Variants in TPI1 observed in about 807,000 individuals in gnomAD.
TPI1 encodes the protein triosephosphate isomerase.
In TPI1, 11 loss-of-function variants were observed where a neutral mutation model predicts 31.0. That is an observed-to-expected ratio of 0.36 (90% confidence interval 0.22 to 0.59). The LOEUF (loss-of-function observed/expected upper bound fraction) is 0.59, where lower values mean the gene tolerates loss of function less well. Among genes scored for constraint, TPI1 ranks in the 20% least tolerant of loss-of-function variants. TPI1 has a pLI of 0.79. For synonymous variants in TPI1, 121 were observed against 122.8 expected (o/e 0.99, Z 0.10); for missense variants, 245 against 319.7 (o/e 0.77, Z 1.78).
intron 5 of TPI1, 129 bp from the exon 6 acceptor site, chr12:6,869,920 G>C (rs1327946833): frequency 7.2e-7 from 1 of 1,385,216 alleles, no homozygotes; most frequent in Non-Finnish European, 1.0e-6. Flanking sequence ...TCCAGTCCAG[G>C]GCCTGGCTTG....
In TPI1 at chr12:6,870,073, C is replaced by T. The variant is rs972344113; in HGVS notation, c.568C>T (p.Arg190Ter). 10 of 1,614,062 alleles carry T rather than the reference C, an allele frequency of 6.2e-6. No individual in the cohort carries two copies. The highest frequency in any genetic ancestry group is 2.2e-5 in the East Asian group (1 of 44,904). Residue 190 changes from arginine (R) to a stop codon, truncating the protein, a stop_gained, in exon 6 of 7, where the codon CGA (arginine) becomes TGA (stop). Coordinates refer to ENST00000396705, the MANE Select transcript of TPI1 (RefSeq NM_000365.6). LOFTEE classifies it high-confidence loss of function. Reference sequence around the variant, plus strand: ...GGCCCAGGAAGTACACGAGAAGCTCCGAGGATGGCTGAAGTCCAACGTCTC... The same window carrying T: ...GGCCCAGGAAGTACACGAGAAGCTCTGAGGATGGCTGAAGTCCAACGTCTC... ...QQAQEVHEKL[R>*]GWLKSNVSDA...
At chr12:6,869,931 G>T in intron 5 of TPI1, 118 bp from the exon 6 acceptor site, 1 of 1,403,010 alleles carries the variant, frequency 7.1e-7, no homozygotes, top group Non-Finnish European at 1.0e-6. Flanking sequence ...GCCTGGCTTG[G>T]ATCAGAGCCC....
At chr12:6,869,901 C>A in intron 5 of TPI1, 128 bp downstream of exon 5, 1 of 1,386,994 alleles carries the variant, frequency 7.2e-7, no homozygotes, top group Non-Finnish European at 1.0e-6. Context: ...AGTGACTTGT[C>A]CAAGGGCATC....
Position 6,869,192 on chromosome 12 carries a change from C to G in TPI1, c.324+9C>G. The G allele has an allele frequency of 6.2e-7, 1 of 1,614,078 alleles. No homozygotes were observed. The highest frequency in any genetic ancestry group is 2.2e-5 in the East Asian group (1 of 44,868). On this transcript the variant is annotated intron_variant, in intron 3 of 6. Transcript: ENST00000396705. Reference sequence around the variant, plus strand: ...TTGGGGAGTCAGATGAGGTTAGTAGCCAAGAGAGAAGATAAGGGATGTCTT... The same window carrying G: ...TTGGGGAGTCAGATGAGGTTAGTAGGCAAGAGAGAAGATAAGGGATGTCTT...
At position 6,870,924 on chromosome 12, in the gene TPI1, A is replaced by C; in HGVS notation, c.*541A>C. On this transcript the variant is annotated 3_prime_UTR_variant, in exon 7 of 7. Coordinates refer to ENST00000396705, the MANE Select transcript of TPI1 (RefSeq NM_000365.6). ...TCATTTGTGCAAGAAAAAAAAAAAA[A>C]CAAGAACAGGTTTCTATAACAACAT... is the stretch of plus-strand genomic sequence containing the variant. The C allele has an allele frequency of 3.1e-6, 2 of 651,978 alleles. No homozygotes were observed. Among genetic ancestry groups the C allele is most frequent in the African/African-American group, 3.6e-5 (2 of 55,082 alleles). 40.4% of individuals were successfully genotyped at this position (651,978 alleles called of 1,614,324 possible).
Position 6,868,437 on chromosome 12 carries a change from C to T in TPI1, c.116-427C>T, listed in dbSNP as rs1555131915. 3.9e-6 allele frequency: 5 copies of T among 1,289,976 alleles called. No homozygotes were observed. The African/African-American group carries it at 4.5e-5, about 12-fold the overall frequency. The allele number at this position is 1,289,976 out of a possible 1,614,324, so 79.9% of individuals were successfully genotyped here. On this transcript the variant is annotated intron_variant, in intron 1 of 6. Transcript: ENST00000396705. Reference sequence around the variant, plus strand: ...AGGCATCCCCTTCTCGTTCATTCCCCAGAGGCCTCAATACAAACCCCAGGA... The same window carrying T: ...AGGCATCCCCTTCTCGTTCATTCCCTAGAGGCCTCAATACAAACCCCAGGA...
At chr12:6,867,721 C>G (rs1388448997) in intron 1 of TPI1, 40 bp downstream of exon 1, 2 of 1,546,162 alleles carry the variant, frequency 1.3e-6, no homozygotes, top group East Asian at 2.4e-5. Context: ...GGGCCGGGGC[C>G]GGGGCCGGGG....
chr12:6,869,971 TAA>T, intron 5 of TPI1, 76 bp from the exon 6 acceptor site: 2 of 1,527,704 alleles, frequency 1.3e-6, no homozygotes, highest in Admixed American at 3.3e-5. Flanking sequence ...GAAACCACAC[TAA>T]GTGTCCACTG....
At chr12:6,869,579 C>A in intron 4 of TPI1, 109 bp from the exon 5 acceptor site, 1 of 1,478,478 alleles carries the variant, frequency 6.8e-7, no homozygotes, top group African/African-American at 1.4e-5. Context: ...TGGAAATCCC[C>A]CAATGTCCAC....
chr12:6,869,798 C>T (rs199997096), intron 5 of TPI1, 25 bp downstream of exon 5: 1 of 1,612,694 alleles, frequency 6.2e-7, no homozygotes, highest in East Asian at 2.2e-5. Flanking sequence ...GAGCCCTGCC[C>T]TCATCCCAGC....
At position 6,868,946 on chromosome 12, in the gene TPI1, C is replaced by G; in HGVS notation, c.198C>G (p.Asn66Lys). Residue 66 changes from asparagine (N) to lysine (K), a missense_variant, in exon 2 of 7, where the codon AAC (asparagine) becomes AAG (lysine). Physicochemically the swap from Asn to Lys is moderately conservative, Grantham distance 94. Transcript: ENST00000396705. ...CCAAGATTGCTGTGGCTGCGCAGAA[C>G]TGCTACAAAGTGACTAATGGGGCTT... ...LDPKIAVAAQ[N>K]CYKVTNGAFT... is the part of the protein sequence containing the mutation. The G allele has an allele frequency of 6.2e-7, 1 of 1,614,218 alleles. No homozygotes were observed. The highest frequency in any genetic ancestry group is 1.3e-5 in the African/African-American group (1 of 75,060).
intron 1 of TPI1, chr12:6,868,103 T>G: frequency 4.7e-6 from 6 of 1,268,282 alleles, no homozygotes; most frequent in Non-Finnish European, 6.1e-6. Flanking sequence ...AGCCCCAGAC[T>G]CCTCCCCTTC....
chr12:6,868,393 C>G, intron 1 of TPI1: 1 of 1,288,358 alleles, frequency 7.8e-7, no homozygotes, highest in South Asian at 1.2e-5. Context: ...AATCGGAGAG[C>G]CGCGGGCCTG....
At chr12:6,867,975 G>A in intron 1 of TPI1, 2 of 998,150 alleles carry the variant, frequency 2.0e-6, no homozygotes, top group Non-Finnish European at 2.7e-6. Context: ...GGCTGTGCCC[G>A]CCAGGCGACG....
At chr12:6,868,118 C>A (rs1555131758) in intron 1 of TPI1, 2 of 1,272,482 alleles carry the variant, frequency 1.6e-6, no homozygotes, top group East Asian at 1.1e-4. Context: ...CCCTTCCTCG[C>A]CGGCGTCCGC....
Position 6,867,651 on chromosome 12 carries a change from C to G in TPI1, c.85C>G (p.Leu29Val). ...GAGTCTGGGGGAGCTCATCGGCACT[C>G]TGAACGCGGCCAAGGTGCCGGCCGA... ...KQSLGELIGT[L>V]NAAKVPADTE... Residue 29 changes from leucine to valine, a missense_variant, in exon 1 of 7, where the codon CTG (leucine) becomes GTG (valine). Physicochemically the swap from Leu to Val is conservative, Grantham distance 32. Around this residue, in one of 3 missense-constraint regions of TPI1, gnomAD observed 95 missense variants for 96.4 expected, o/e 0.99. Coordinates refer to ENST00000396705, the MANE Select transcript of TPI1 (RefSeq NM_000365.6). The G allele has an allele frequency of 6.2e-7, 1 of 1,611,034 alleles. No homozygotes were observed. Among genetic ancestry groups the G allele is most frequent in the South Asian group, 1.1e-5 (1 of 90,750 alleles).
chr12:6,869,035 C>G (rs1431101871), intron 2 of TPI1, 48 bp downstream of exon 2: 3 of 1,614,060 alleles, frequency 1.9e-6, no homozygotes, highest in South Asian at 1.1e-5. Context: ...CCTCACTTTC[C>G]TCGTTGAGGG....
intron 1 of TPI1, chr12:6,868,180 C>A (rs1483474543): frequency 7.8e-6 from 10 of 1,288,280 alleles, no homozygotes; most frequent in Non-Finnish European, 1.0e-5. Flanking sequence ...TGACCCCTTC[C>A]CTTCGGCAAC....
Position 6,870,275 on chromosome 12 carries a change from TG to T in TPI1, c.646del (p.Ala216GlnfsTer56). The T allele has an allele frequency of 6.2e-7, 1 of 1,614,130 alleles. No individual in the cohort carries two copies. Among genetic ancestry groups the T allele is most frequent in the Non-Finnish European group, 8.5e-7 (1 of 1,179,992 alleles). On this transcript the variant is annotated frameshift_variant, in exon 7 of 7. Transcript: ENST00000396705. LOFTEE classifies it high-confidence loss of function. ...CTGCTCCCTTCCCAGGCTCTGTGAC[TG>T]GGGCAACCTGCAAGGAGCTGGCCAG... ...TRIIYGGSVT[G>X]ATCKELASQP...
Sources: allele counts gnomAD v4.1 joint callset, GRCh38; gene constraint gnomAD v4.1.1; regional missense constraint gnomAD v4.1.1; transcripts MANE v1.5; gene names NCBI Gene and HGNC (gene_info 2026-07-23, HGNC 2026-07-21).